The following TBX4 variants were observed in gnomAD, a reference collection of about 807,000 sequenced individuals.
TBX4 encodes the protein T-box transcription factor 4, also known as T-box transcription factor TBX4.
In TBX4, 13 loss-of-function variants were observed where a neutral mutation model predicts 54.6. The observed-to-expected ratio is 0.24, with a 90% CI of 0.15 to 0.38. The LOEUF (loss-of-function observed/expected upper bound fraction) is 0.38. TBX4 is among the 10% of genes least tolerant of loss of function. TBX4 has a pLI of 1.00. For synonymous variants in TBX4, 314 were observed against 306.7 expected (o/e 1.02, Z -0.25); for missense variants, 631 against 728.5 (o/e 0.87, Z 1.54).
chr17:61,478,938 C>T lies in TBX4; in HGVS notation c.702+159C>T, dbSNP rs1569043794. On this transcript the variant is annotated intron_variant, in intron 6 of 8. Transcript: ENST00000644296. The surrounding 1 kb of genome is among the most constrained non-coding windows in gnomAD (Gnocchi z 7.4). ...GCCTAGAGTCCCTCGGAGCCGCGAG[C>T]AAATCGAATGATGAACAGAAAAGGA... 4.7e-6 allele frequency: 5 copies of T among 1,074,836 alleles called. No homozygotes were observed. The African/African-American group carries it at 6.3e-5, about 14-fold the overall frequency. The allele number at this position is 1,074,836 out of a possible 1,614,324, so 66.6% of individuals were successfully genotyped here. A position where few individuals can be genotyped will look rare whatever the true frequency, so the allele number is the denominator to read the frequency against.
chr17:61,483,174 G>A lies in TBX4; in HGVS notation c.1299G>A (p.Gln433=), dbSNP rs759508725. The A allele has an allele frequency of 1.2e-6, 2 of 1,614,156 alleles. No individual in the cohort carries two copies. The highest frequency in any genetic ancestry group is 1.7e-6 in the Non-Finnish European group (2 of 1,180,040). ...SVSPYTSYSV[Q]TMETVPYQPF... ...CGCCGTACACCAGCTATAGCGTGCA[G>A]ACGATGGAGACTGTGCCGTACCAGC... The change falls in exon 9 of 9, where the codon CAG becomes CAA. Residue 433 remains glutamine, a synonymous_variant. Transcript: ENST00000644296. The surrounding 1 kb of genome is among the most constrained non-coding windows in gnomAD (Gnocchi z 6.6).
rs144878479 is a variant in TBX4 at position 61,483,540 on chromosome 17, C to T, written c.*24C>T. Reference sequence around the variant, plus strand: ...GACTCTCACGTCTCCTCCATAGCCCCGGGACCGTGTTGCTCCAGTATTAAC... The same window carrying T: ...GACTCTCACGTCTCCTCCATAGCCCTGGGACCGTGTTGCTCCAGTATTAAC... On this transcript the variant is annotated 3_prime_UTR_variant, in exon 9 of 9. Coordinates refer to ENST00000644296, the MANE Select transcript of TBX4 (RefSeq NM_001321120.2). This position sits in a 1 kb window ranked among gnomAD's most constrained non-coding sequence, Gnocchi z 6.6. The T allele has an allele frequency of 4.7e-4, 754 of 1,613,698 alleles. 7 individuals carry two copies. The highest frequency in any genetic ancestry group is 1.7e-4 in the Non-Finnish European group (202 of 1,179,990).
intron 5 of TBX4, among the ~76,000 whole-genome samples, chr17:61,469,098 G>T (rs1408042343): frequency 6.6e-6 from 1 of 152,232 alleles, no homozygotes; most frequent in African/African-American, 2.4e-5. Context: ...TCCAAACCTG[G>T]AGAGGATTTT....
rs1426738295 is a variant in TBX4, at chr17:61,462,629, G to A, written c.282-3190G>A. ...GTAGAGCGCAGAGTGCCCGGGACAG[G>A]CGGGCTTCACCGCCAGCGCTGGTGG... is the stretch of plus-strand genomic sequence containing the variant. On this transcript the variant is annotated intron_variant, in intron 3 of 8. Transcript: ENST00000644296. The surrounding 1 kb of genome is among the most constrained non-coding windows in gnomAD (Gnocchi z 4.5). Among the ~76,000 whole-genome samples the A allele has an allele frequency of 6.6e-6, 1 of 152,188 alleles. No individual in the cohort carries two copies.
chr17:61,483,416 C>T lies in TBX4; in HGVS notation c.1541C>T (p.Ala514Val). Residue 514 changes from alanine (A) to valine (V), a missense_variant, in exon 9 of 9, where the codon GCC (alanine) becomes GTC (valine). Transcript: ENST00000644296. This position sits in a 1 kb window ranked among gnomAD's most constrained non-coding sequence, Gnocchi z 6.6. The stretch of plus-strand genomic sequence containing the variant: ...CCACCCTCGCCACATCTAAATGCTG[C>T]CAATGAGTTTCTCTACTCTCAAACC... ...RKPPSPHLNA[A>V]NEFLYSQTFS... 1.2e-6 allele frequency: 2 copies of T among 1,613,668 alleles called. No individual in the cohort carries two copies. Among genetic ancestry groups the T allele is most frequent in the Non-Finnish European group, 1.7e-6 (2 of 1,179,628 alleles).
Position 61,478,983 on chromosome 17 carries a change from C to A in TBX4, c.702+204C>A, listed in dbSNP as rs1345862811. Among the ~76,000 whole-genome samples the A allele has an allele frequency of 6.6e-6, 1 of 152,200 alleles. No homozygotes were observed. The highest frequency in any genetic ancestry group is 1.9e-4 in the East Asian group (1 of 5,192). On this transcript the variant is annotated intron_variant, in intron 6 of 8. Transcript: ENST00000644296. This position sits in a 1 kb window ranked among gnomAD's most constrained non-coding sequence, Gnocchi z 7.4. ...AAAGGACCCTAGATATGTCCATCTC[C>A]AGCACAGAGGAATTACGGTCTCTGT...
Position 61,481,616 on chromosome 17 carries a change from G to T in TBX4, c.1022-1281G>T, listed in dbSNP as rs1273333668. On this transcript the variant is annotated intron_variant, in intron 8 of 8. Coordinates refer to ENST00000644296, the MANE Select transcript of TBX4 (RefSeq NM_001321120.2). The surrounding 1 kb of genome is among the most constrained non-coding windows in gnomAD (Gnocchi z 4.8). Reference sequence around the variant, plus strand: ...AGGGCAGATGCCACCAGCAGGGGCAGAGGAGAGAGGTGAGCAGAGGCCTTC... The same window carrying T: ...AGGGCAGATGCCACCAGCAGGGGCATAGGAGAGAGGTGAGCAGAGGCCTTC... Among the ~76,000 whole-genome samples, 1 of 152,220 alleles carries T rather than the reference G, an allele frequency of 6.6e-6. No homozygotes were observed. Among genetic ancestry groups the T allele is most frequent in the African/African-American group, 2.4e-5 (1 of 41,460 alleles).
chr17:61,471,236 G>C (rs1259272409), intron 5 of TBX4, among the ~76,000 whole-genome samples: 4 of 152,240 alleles, frequency 2.6e-5, no homozygotes, highest in Non-Finnish European at 4.4e-5. Context: ...CACCTAGGTA[G>C]CTACTCCTGA....
At position 61,479,212 on chromosome 17, in the gene TBX4, C is replaced by A. The variant is rs960915424; in HGVS notation, c.702+433C>A. Among the ~76,000 whole-genome samples, 1 of 152,136 alleles carries A rather than the reference C, an allele frequency of 6.6e-6. No homozygotes were observed. Among genetic ancestry groups the A allele is most frequent in the African/African-American group, 2.4e-5 (1 of 41,428 alleles). On this transcript the variant is annotated intron_variant, in intron 6 of 8. Transcript: ENST00000644296. The surrounding 1 kb of genome is among the most constrained non-coding windows in gnomAD (Gnocchi z 6.1). ...TGTGGAAGCAGAGCCTGAGCGGAGG[C>A]CCTTCCCAGGCTGTGATAGGAGGTG...
Position 61,479,671 on chromosome 17 carries a change from T to G in TBX4, c.703-210T>G, listed in dbSNP as rs2060649197. On this transcript the variant is annotated intron_variant, in intron 6 of 8. Transcript: ENST00000644296. The surrounding 1 kb of genome is among the most constrained non-coding windows in gnomAD (Gnocchi z 6.1). ...GCCCACTTCCCCAGACCTGCCCCAGTTCTGCCTGTGCCTGGGGTTGGGGAG... is the reference window on the plus strand; with the variant it reads ...GCCCACTTCCCCAGACCTGCCCCAGGTCTGCCTGTGCCTGGGGTTGGGGAG... Among the ~76,000 whole-genome samples, 1 of 152,046 alleles carries G rather than the reference T, an allele frequency of 6.6e-6. No individual in the cohort carries two copies. Among genetic ancestry groups the G allele is most frequent in the Admixed American group, 6.5e-5 (1 of 15,268 alleles).
chr17:61,474,755 C>T lies in TBX4; in HGVS notation c.550-3872C>T, dbSNP rs2060606863. Among the ~76,000 whole-genome samples the T allele has an allele frequency of 6.6e-6, 1 of 152,202 alleles. No individual in the cohort carries two copies. The highest frequency in any genetic ancestry group is 1.5e-5 in the Non-Finnish European group (1 of 68,036). ...CTGCAGCAAATATAAATGTGAAACTCTGGCAAAGTAGTTTAATGTGGCGCC... is the reference window on the plus strand; with the variant it reads ...CTGCAGCAAATATAAATGTGAAACTTTGGCAAAGTAGTTTAATGTGGCGCC... On this transcript the variant is annotated intron_variant, in intron 5 of 8. Transcript: ENST00000644296. The surrounding 1 kb of genome is among the most constrained non-coding windows in gnomAD (Gnocchi z 4.6).
chr17:61,457,549 A>G lies in TBX4; in HGVS notation c.199A>G (p.Ile67Val), dbSNP rs1390473842. The change falls in exon 3 of 9, where the codon ATC becomes GTC. Residue 67 changes from isoleucine to valine, a missense_variant. Coordinates refer to ENST00000644296, the MANE Select transcript of TBX4 (RefSeq NM_001321120.2). This position sits in a 1 kb window ranked among gnomAD's most constrained non-coding sequence, Gnocchi z 8.2. ...CTCCCATCCCCAGACCATCGAGAAC[A>G]TCAAGGTGGGGCTGCATGAGAAGGA... is the stretch of plus-strand genomic sequence containing the variant. Reference protein sequence around the residue: ...AAAAEQTIENIKVGLHEKELW... With the variant: ...AAAAEQTIENVKVGLHEKELW... 2 of 1,613,768 alleles carry G rather than the reference A, an allele frequency of 1.2e-6. No homozygotes were observed. Among genetic ancestry groups the G allele is most frequent in the South Asian group, 2.2e-5 (2 of 91,058 alleles).
rs1355324876 is a variant in TBX4, at chr17:61,459,482, C to T, written c.281+1851C>T. Among the ~76,000 whole-genome samples, 1 of 152,196 alleles carries T rather than the reference C, an allele frequency of 6.6e-6. No homozygotes were observed. Among genetic ancestry groups the T allele is most frequent in the Non-Finnish European group, 1.5e-5 (1 of 68,034 alleles). ...TTAGGCAGCAGAAATAACCTTGTCT[C>T]TTGAAAATAACTGGCCAGCATGTTC... On this transcript the variant is annotated intron_variant, in intron 3 of 8. Coordinates refer to ENST00000644296, the MANE Select transcript of TBX4 (RefSeq NM_001321120.2). This position sits in a 1 kb window ranked among gnomAD's most constrained non-coding sequence, Gnocchi z 4.8.
intron 3 of TBX4, among the ~76,000 whole-genome samples, chr17:61,458,823 CTT>C (rs1369448641): frequency 6.6e-6 from 1 of 152,238 alleles, no homozygotes; most frequent in Admixed American, 6.5e-5. Context: ...TTTTCTTCTA[CTT>C]TTTAGAGAAC....
chr17:61,480,009 A>T lies in TBX4; in HGVS notation c.791+40A>T, dbSNP rs2060651924. On this transcript the variant is annotated intron_variant, in intron 7 of 8. Coordinates refer to ENST00000644296, the MANE Select transcript of TBX4 (RefSeq NM_001321120.2). This position sits in a 1 kb window ranked among gnomAD's most constrained non-coding sequence, Gnocchi z 6.2. ...CCTGGGGGTGGGGCGGGCAGATGGG[A>T]TTCAGGCACGTGGCCTCTGTGACCC... The T allele has an allele frequency of 6.2e-7, 1 of 1,612,942 alleles. No homozygotes were observed.
chr17:61,462,271 G>A lies in TBX4; in HGVS notation c.282-3548G>A, dbSNP rs2060499939. 6.6e-6 allele frequency among the ~76,000 whole-genome samples: 1 copy of A among 152,168 alleles called. No individual in the cohort carries two copies. Among genetic ancestry groups the A allele is most frequent in the African/African-American group, 2.4e-5 (1 of 41,452 alleles). On this transcript the variant is annotated intron_variant, in intron 3 of 8. Transcript: ENST00000644296. The surrounding 1 kb of genome is among the most constrained non-coding windows in gnomAD (Gnocchi z 4.5). ...TTCATGATCAGAGGAGAAGCCCCGG[G>A]CTTTCATCTCCTCCCGGGCCGGCGA...
At chr17:61,452,820 C>A (rs2060423867) in intron 1 of TBX4, 2 of 729,864 alleles carry the variant, frequency 2.7e-6, no homozygotes, top group Admixed American at 6.3e-5. Context: ...CTCTGAGTAA[C>A]GCGATGAATT....
chr17:61,483,099 G>A lies in TBX4; in HGVS notation c.1224G>A (p.Val408=). 2 of 1,614,092 alleles carry A rather than the reference G, an allele frequency of 1.2e-6. No individual in the cohort carries two copies. Among genetic ancestry groups the A allele is most frequent in the Non-Finnish European group, 1.7e-6 (2 of 1,180,030 alleles). Reference sequence around the variant, plus strand: ...CCGAGATTGCCGGGGTGTCTGGGGTGGACGACCTGCCCCCACCTCCGCTGA... The same window carrying A: ...CCGAGATTGCCGGGGTGTCTGGGGTAGACGACCTGCCCCCACCTCCGCTGA... The part of the protein sequence containing the change: ...SGPEIAGVSG[V]DDLPPPPLSC... Residue 408 remains valine, a synonymous_variant, in exon 9 of 9, where the codon GTG becomes GTA. Transcript: ENST00000644296. The surrounding 1 kb of genome is among the most constrained non-coding windows in gnomAD (Gnocchi z 6.6).
chr17:61,478,580 C>T lies in TBX4; in HGVS notation c.550-47C>T, dbSNP rs2060638984. The T allele has an allele frequency of 1.2e-6, 2 of 1,613,664 alleles. No homozygotes were observed. The highest frequency in any genetic ancestry group is 2.7e-5 in the African/African-American group (2 of 74,896). ...GAAGAATGAGGTCAAGGGCCTGGGG[C>T]TTGCGGATGGGGACCTGGAGCTCAG... On this transcript the variant is annotated intron_variant, in intron 5 of 8. Transcript: ENST00000644296. The surrounding 1 kb of genome is among the most constrained non-coding windows in gnomAD (Gnocchi z 7.4).
Sources: gnomAD v4.1 joint callset for allele counts (sites outside exome capture counted in the v4.1 genomes callset) on GRCh38, gnomAD v4.1.1 for gene constraint, Gnocchi (gnomAD v3.1) non-coding constraint, MANE v1.5 for transcripts, NCBI Gene and HGNC (gene_info 2026-07-23, HGNC 2026-07-21) for gene names.